Variants in TTBK2 observed in about 807,000 individuals in gnomAD.
The protein encoded by TTBK2 is tau tubulin kinase 2.
TTBK2 carries 28 observed loss-of-function variants against 110.8 expected under a neutral mutation model. The ratio of observed to expected loss-of-function variants is 0.25; its 90% confidence interval spans 0.19 to 0.35. The LOEUF (loss-of-function observed/expected upper bound fraction) is 0.35, where lower values mean the gene tolerates loss of function less well. TTBK2 is among the 10% of genes least tolerant of loss of function. TTBK2 has a pLI of 1.00. For missense variants in TTBK2, 1,369 were observed against 1,500.3 expected (o/e 0.91, Z 1.45); for synonymous variants, 532 against 527.3 (o/e 1.01, Z -0.12).
intron 3 of TTBK2, among the ~76,000 whole-genome samples, chr15:42,855,861 A>ATTT (rs1430474096): frequency 6.6e-6 from 1 of 151,916 alleles, no homozygotes; most frequent in African/African-American, 2.4e-5. Flanking sequence ...ATTTTTTTGT[A>ATTT]TTAGTAGAGA....
chr15:42,851,173 G>A lies in TTBK2; in HGVS notation c.218-10740C>T, dbSNP rs183313074. On this transcript the variant is annotated intron_variant, in intron 3 of 14. Transcript: ENST00000267890. ...TGAGGCAGGAGAATGGCATGAACCC[G>A]GGAGGCGGAGCTTGCAGTGAGCAGA... Among the ~76,000 whole-genome samples, 527 of 151,682 alleles carry A rather than the reference G, an allele frequency of 3.5e-3. 2 individuals are homozygous for A. Among genetic ancestry groups the A allele is most frequent in the African/African-American group, 0.012 (498 of 41,384 alleles).
At chr15:42,809,002 A>G (rs145230379) in intron 9 of TTBK2, among the ~76,000 whole-genome samples, 2 of 152,388 alleles carry the variant, frequency 1.3e-5, no homozygotes, top group Non-Finnish European at 2.9e-5. Flanking sequence ...TTTTCTCAAG[A>G]TGAAGACTGA....
At chr15:42,846,996 G>GT (rs1347147230) in intron 3 of TTBK2, among the ~76,000 whole-genome samples, 1 of 152,180 alleles carries the variant, frequency 6.6e-6, no homozygotes, top group Admixed American at 6.5e-5. Context: ...CTGTTCATCT[G>GT]TATCTTTTGC....
chr15:42,881,825 C>T (rs1008922294), intron 1 of TTBK2, among the ~76,000 whole-genome samples: 5 of 151,498 alleles, frequency 3.3e-5, no homozygotes, highest in South Asian at 2.1e-4. Flanking sequence ...GAGCCAAGAT[C>T]GCACCATTGC....
intron 13 of TTBK2, among the ~76,000 whole-genome samples, chr15:42,754,780 G>A (rs2061921829): frequency 6.8e-6 from 1 of 147,180 alleles, no homozygotes; most frequent in Non-Finnish European, 1.5e-5. Context: ...AGGCCGAGGT[G>A]GGCAGACCAC....
chr15:42,780,695 G>A (rs186485312), intron 11 of TTBK2, among the ~76,000 whole-genome samples: 162 of 152,276 alleles, frequency 1.1e-3, no homozygotes, highest in African/African-American at 3.8e-3. Flanking sequence ...GCTGGGCGTC[G>A]TGGCTTGTGC....
intron 7 of TTBK2, among the ~76,000 whole-genome samples, chr15:42,816,180 G>A (rs1428847795): frequency 3.6e-5 from 5 of 139,334 alleles, no homozygotes; most frequent in African/African-American, 1.4e-4. Context: ...GCAGTGGTGC[G>A]ATCTCAGCTT....
In TTBK2 at chr15:42,775,613, T is replaced by G. The variant is rs200585314; in HGVS notation, c.1520A>C (p.Tyr507Ser). The G allele has an allele frequency of 6.2e-7, 1 of 1,614,060 alleles. No individual in the cohort carries two copies. The highest frequency in any genetic ancestry group is 1.1e-5 in the South Asian group (1 of 91,068). ...GGCATCTGGAAGATATTCTTCATCA[T>G]AGTGCCAGATGTGGTCAGTACGGGA... ...AVSRTDHIWHYDEEYLPDASK... is the reference protein window; with the variant it reads ...AVSRTDHIWHSDEEYLPDASK... Residue 507 changes from tyrosine (Y) to serine (S), a missense_variant, in exon 13 of 15, where the codon TAT becomes TCT. Around this residue, in one of 4 missense-constraint regions of TTBK2, gnomAD observed 1,097 missense variants for 1,114.7 expected, o/e 0.98. Coordinates refer to ENST00000267890, the MANE Select transcript of TTBK2 (RefSeq NM_173500.4).
chr15:42,817,406 T>C (rs939514320), intron 6 of TTBK2, among the ~76,000 whole-genome samples: 5 of 152,186 alleles, frequency 3.3e-5, no homozygotes, highest in Non-Finnish European at 4.4e-5. Context: ...TGCTTTCATA[T>C]ACCCATAATC....
In TTBK2 at chr15:42,752,716, T is replaced by C; in HGVS notation, c.2530A>G (p.Met844Val). ...GAAGTTCCAACTGTCAGAAGCTTCA[T>C]TATCTCATTATTTTTGTCTTGATTT... ...VPNQDKNNEI[M>V]KLLTVGTSEI... The change falls in exon 14 of 15, where the codon ATG (methionine) becomes GTG (valine). Residue 844 changes from methionine (M) to valine (V), a missense_variant. Coordinates refer to ENST00000267890, the MANE Select transcript of TTBK2 (RefSeq NM_173500.4). 6.2e-7 allele frequency: 1 copy of C among 1,614,156 alleles called. No homozygotes were observed. Among genetic ancestry groups the C allele is most frequent in the Non-Finnish European group, 8.5e-7 (1 of 1,180,030 alleles).
At chr15:42,867,200 C>G (rs1359559235) in intron 3 of TTBK2, among the ~76,000 whole-genome samples, 18 of 148,884 alleles carry the variant, frequency 1.2e-4, no homozygotes, top group African/African-American at 4.5e-4. Flanking sequence ...GCCGAGACAT[C>G]GCACCACTGC....
intron 3 of TTBK2, among the ~76,000 whole-genome samples, chr15:42,851,321 C>G (rs971907840): frequency 6.6e-6 from 1 of 151,420 alleles, no homozygotes; most frequent in East Asian, 1.9e-4. Flanking sequence ...ATAAGCCCAA[C>G]ATTTTCGACA....
In TTBK2 at chr15:42,741,848, C is replaced by A. The variant is rs1478135130; in HGVS notation, c.*3947G>T. 1.3e-5 allele frequency: 2 copies of A among 151,992 alleles called. No individual in the cohort carries two copies. The allele number at this position is 151,992 out of a possible 1,614,324, so 9.4% of individuals were successfully genotyped here. A position where few individuals can be genotyped will look rare whatever the true frequency, so the allele number is the denominator to read the frequency against. ...GATCCTGCTTCTCGTATCACCAATT[C>A]CTAATGTTAGGAATGTAGAACTGTC... On this transcript the variant is annotated 3_prime_UTR_variant, in exon 15 of 15. Transcript: ENST00000267890.
chr15:42,746,401 G>T, intron 14 of TTBK2, 144 bp from the exon 15 acceptor site: 1 of 665,986 alleles, frequency 1.5e-6, no homozygotes, highest in Non-Finnish European at 2.5e-6. Flanking sequence ...TCATATACTA[G>T]TTGTATGACC....
At chr15:42,835,116 G>T (rs977452943) in intron 4 of TTBK2, among the ~76,000 whole-genome samples, 10 of 152,070 alleles carry the variant, frequency 6.6e-5, no homozygotes, top group African/African-American at 2.4e-4. Flanking sequence ...AACAAAAGAA[G>T]AATAAAATGA....
chr15:42,799,027 G>A (rs375323963), intron 9 of TTBK2, among the ~76,000 whole-genome samples: 4 of 152,192 alleles, frequency 2.6e-5, no homozygotes, highest in South Asian at 2.1e-4. Context: ...TCGGATTTTC[G>A]ATTTGGGTTG....
intron 4 of TTBK2, among the ~76,000 whole-genome samples, chr15:42,839,200 T>C (rs541098097): frequency 5.3e-5 from 8 of 152,308 alleles, no homozygotes; most frequent in African/African-American, 1.9e-4. Flanking sequence ...CATGCAGTAT[T>C]TGGTTTTCTA....
Position 42,752,045 on chromosome 15 carries a change from G to C in TTBK2, c.3201C>G (p.Ser1067Arg), listed in dbSNP as rs538954156. The change falls in exon 14 of 15, where the codon AGC becomes AGG. Residue 1067 changes from serine to arginine, a missense_variant. Ser to Arg is a moderately radical substitution (Grantham distance 110). Transcript: ENST00000267890. ...VSWVNTDQVN[S>R]STSSQFFPRP... ...GAGGAAAGAACTGAGACGAAGTTGA[G>C]CTATTGACCTGATCTGTGTTGACCC... 4 of 1,614,214 alleles carry C rather than the reference G, an allele frequency of 2.5e-6. No individual in the cohort carries two copies. The South Asian group carries it at 3.3e-5, about 13-fold the overall frequency.
chr15:42,851,449 T>A (rs887485886), intron 3 of TTBK2, among the ~76,000 whole-genome samples: 10 of 151,686 alleles, frequency 6.6e-5, no homozygotes, highest in African/African-American at 1.9e-4. Context: ...GGCTGGGGAG[T>A]GACATAACTG....
Sources: gnomAD v4.1 joint callset for allele counts (sites outside exome capture counted in the v4.1 genomes callset) on GRCh38, gnomAD v4.1.1 for gene constraint, gnomAD v4.1.1 regional missense constraint, MANE v1.5 for transcripts, NCBI Gene and HGNC (gene_info 2026-07-23, HGNC 2026-07-21) for gene names.